ZCCHC7: variants seen among roughly 807,000 people sequenced by gnomAD.
The protein encoded by ZCCHC7 is zinc finger CCHC-type containing 7, also known as zinc finger CCHC domain-containing protein 7.
A neutral mutation model predicts 52.0 loss-of-function variants in ZCCHC7; 35 were observed. The ratio of observed to expected loss-of-function variants is 0.67; its 90% CI spans 0.51 to 0.89. The LOEUF (loss-of-function observed/expected upper bound fraction) is 0.89. Among genes scored for constraint, ZCCHC7 ranks in the 40% least tolerant of loss-of-function variants. The probability of loss-of-function intolerance (pLI) is 0.00; values close to 1 mark genes in which losing one functional copy is unlikely to be tolerated. For synonymous variants in ZCCHC7, 217 were observed against 221.5 expected (o/e 0.98, Z 0.18); for missense variants, 574 against 649.1 (o/e 0.88, Z 1.26).
At chr9:37,255,836 G>A (rs1474341580) in intron 2 of ZCCHC7, among the ~76,000 whole-genome samples, 1 of 152,128 alleles carries the variant, frequency 6.6e-6, no homozygotes, top group East Asian at 1.9e-4. Flanking sequence ...TGCAAGAAAT[G>A]AGAAAATAAG....
intron 1 of ZCCHC7, 54 bp downstream of exon 1, chr9:37,120,677 C>G (rs893073471): frequency 3.1e-5 from 12 of 381,504 alleles, no homozygotes; most frequent in African/African-American, 2.5e-4. Context: ...CCCCTGCCTA[C>G]CCTCCTTCTT....
chr9:37,141,929 T>C (rs1411788287), intron 2 of ZCCHC7, among the ~76,000 whole-genome samples: 1 of 151,880 alleles, frequency 6.6e-6, no homozygotes, highest in Non-Finnish European at 1.5e-5. Flanking sequence ...CTTGAAGTGC[T>C]ATGGCAATTT....
At chr9:37,154,248 A>G (rs1820691329) in intron 2 of ZCCHC7, among the ~76,000 whole-genome samples, 2 of 151,970 alleles carry the variant, frequency 1.3e-5, no homozygotes, top group Admixed American at 1.3e-4. Flanking sequence ...TTCCTTCTTT[A>G]TTACCTGTAA....
At chr9:37,145,741 C>A (rs1843403145) in intron 2 of ZCCHC7, among the ~76,000 whole-genome samples, 1 of 151,866 alleles carries the variant, frequency 6.6e-6, no homozygotes, top group African/African-American at 2.4e-5. Context: ...TAAAAAAATT[C>A]TTATTAAAAT....
intron 2 of ZCCHC7, among the ~76,000 whole-genome samples, chr9:37,261,381 C>T (rs540690059): frequency 4.7e-4 from 71 of 152,150 alleles, no homozygotes; most frequent in Non-Finnish European, 9.1e-4. Context: ...TCTTTGCTTC[C>T]CACAGCATTT....
chr9:37,317,901 C>T (rs1161828159), intron 5 of ZCCHC7, among the ~76,000 whole-genome samples: 1 of 144,710 alleles, frequency 6.9e-6, no homozygotes, highest in South Asian at 2.2e-4. Flanking sequence ...AATTGGCAGA[C>T]CATGGTTTGG....
At chr9:37,163,693 G>A (rs986815297) in intron 2 of ZCCHC7, among the ~76,000 whole-genome samples, 1 of 152,162 alleles carries the variant, frequency 6.6e-6, no homozygotes, top group Non-Finnish European at 1.5e-5. Context: ...TTGAAGCCCA[G>A]TGTGTCAGTT....
intron 2 of ZCCHC7, among the ~76,000 whole-genome samples, chr9:37,249,592 C>T (rs1413088639): frequency 4.0e-5 from 6 of 151,728 alleles, no homozygotes; most frequent in Non-Finnish European, 4.4e-5. Context: ...GCTGGGACTA[C>T]GGGTGCGTGC....
chr9:37,129,936 T>A (rs1287552510), intron 2 of ZCCHC7, among the ~76,000 whole-genome samples: 3 of 152,118 alleles, frequency 2.0e-5, no homozygotes, highest in Admixed American at 6.5e-5. Flanking sequence ...TGACTTACAG[T>A]GGTAAAAGAC....
chr9:37,127,091 C>T (rs1405043149), intron 2 of ZCCHC7, 149 bp downstream of exon 2: 4 of 881,070 alleles, frequency 4.5e-6, no homozygotes, highest in Non-Finnish European at 6.9e-6. Context: ...GACTCTCTTA[C>T]CAGTGGCTAC....
chr9:37,290,429 G>A (rs1427500516), intron 2 of ZCCHC7, among the ~76,000 whole-genome samples: 1 of 152,168 alleles, frequency 6.6e-6, no homozygotes, highest in Admixed American at 6.5e-5. Flanking sequence ...ACCAAGGCGG[G>A]TGAATCACTT....
rs555286966 is a variant in ZCCHC7, at chr9:37,191,181, AATT to A, written c.610+64241_610+64243del. Among the ~76,000 whole-genome samples, 948 of 152,290 alleles carry A rather than the reference AATT, an allele frequency of 6.2e-3. 4 individuals carry two copies. The highest frequency in any genetic ancestry group is 9.7e-3 in the Non-Finnish European group (661 of 68,022). ...TTTTGCTGCCTCAGAGAAGCAGGAT[AATT>A]AAATTTTTGCCTATGGAAAAAGTAA... On this transcript the variant is annotated intron_variant, in intron 2 of 8. Transcript: ENST00000336755.
At position 37,185,749 on chromosome 9, in the gene ZCCHC7, G is replaced by T. The variant is rs147522608; in HGVS notation, c.610+58807G>T. 5.5e-4 allele frequency among the ~76,000 whole-genome samples: 83 copies of T among 152,158 alleles called. 1 individual carries two copies. The highest frequency in any genetic ancestry group is 4.1e-3 in the South Asian group (20 of 4,828). ...CTATGGACACCTGTCATTGGTTTCA[G>T]GGTCCACTCTAAATTCAGGATAATC... is the stretch of plus-strand genomic sequence containing the variant. On this transcript the variant is annotated intron_variant, in intron 2 of 8. Transcript: ENST00000336755.
chr9:37,128,355 G>A (rs1431635471), intron 2 of ZCCHC7, among the ~76,000 whole-genome samples: 1 of 152,150 alleles, frequency 6.6e-6, no homozygotes, highest in Non-Finnish European at 1.5e-5. Context: ...GAAAATGAAA[G>A]CAGAAGTGGG....
At chr9:37,246,151 A>G (rs1267868596) in intron 2 of ZCCHC7, among the ~76,000 whole-genome samples, 1 of 152,140 alleles carries the variant, frequency 6.6e-6, no homozygotes, top group Non-Finnish European at 1.5e-5. Context: ...ATGAGAGGTC[A>G]TGGTACTGTT....
chr9:37,275,318 C>CT lies in ZCCHC7; in HGVS notation c.611-26852dup, dbSNP rs35954918. ...TCCTAATCTATATTGTCTAGTTTTC[C>CT]TTTTTTTTTTTTTTTTTTGAGCTTT... On this transcript the variant is annotated intron_variant, in intron 2 of 8. Transcript: ENST00000336755. Among the ~76,000 whole-genome samples, 1,036 of 124,010 alleles carry CT rather than the reference C, an allele frequency of 8.4e-3. 12 individuals carry two copies. Among genetic ancestry groups the CT allele is most frequent in the East Asian group, 0.029 (128 of 4,356 alleles). 81.4% of individuals were successfully genotyped at this position (124,010 alleles called of 152,430 possible).
chr9:37,335,828 A>G (rs1029370051), intron 6 of ZCCHC7, among the ~76,000 whole-genome samples: 1 of 152,180 alleles, frequency 6.6e-6, no homozygotes, highest in African/African-American at 2.4e-5. Flanking sequence ...TTCCTTTCCT[A>G]ATGAAAATAA....
intron 2 of ZCCHC7, among the ~76,000 whole-genome samples, chr9:37,132,603 T>A (rs1482512569): frequency 1.3e-5 from 2 of 152,228 alleles, no homozygotes; most frequent in Non-Finnish European, 2.9e-5. Flanking sequence ...AAGTGTGCAC[T>A]CATGTTTGTC....
intron 2 of ZCCHC7, among the ~76,000 whole-genome samples, chr9:37,142,081 G>A (rs1053350257): frequency 6.6e-6 from 1 of 151,650 alleles, no homozygotes; most frequent in East Asian, 1.9e-4. Context: ...TGTGAGGCTG[G>A]TGTCATACAG....
Sources: allele counts gnomAD v4.1 joint callset (sites outside exome capture counted in the v4.1 genomes callset), GRCh38; gene constraint gnomAD v4.1.1; transcripts MANE v1.5; gene names NCBI Gene and HGNC (gene_info 2026-07-23, HGNC 2026-07-21).